The following CUX1 variants were observed in gnomAD, a reference collection of about 807,000 sequenced individuals.
CUX1 encodes protein CASP.
A neutral mutation model predicts 158.8 loss-of-function variants in CUX1; 31 were observed. That is an observed-to-expected ratio of 0.20 (90% CI 0.15 to 0.26). The LOEUF is 0.26. Ranked by LOEUF, CUX1 falls within the 10% of genes least tolerant of loss-of-function variation. The pLI is 1.00. For missense variants in CUX1, 1,589 were observed against 2,014.6 expected (o/e 0.79, Z 4.04); for synonymous variants, 879 against 862.1 (o/e 1.02, Z -0.34).
chr7:102,040,316 G>A (rs1048697834), intron 3 of CUX1, among the ~76,000 whole-genome samples: 6 of 152,298 alleles, frequency 3.9e-5, no homozygotes, highest in Non-Finnish European at 7.4e-5. Flanking sequence ...AGGAGAACCA[G>A]CCACACTCAG....
At chr7:102,080,908 C>T (rs187581294) in intron 4 of CUX1, among the ~76,000 whole-genome samples, 1 of 152,218 alleles carries the variant, frequency 6.6e-6, no homozygotes. Context: ...AGACTGGCCC[C>T]GACCTTAGAT....
chr7:101,987,043 T>A (rs936600042), intron 2 of CUX1, among the ~76,000 whole-genome samples: 10 of 152,122 alleles, frequency 6.6e-5, no homozygotes, highest in African/African-American at 2.4e-4. Flanking sequence ...GCCACCCCTG[T>A]CCCACCGTGC....
intron 1 of CUX1, among the ~76,000 whole-genome samples, chr7:101,868,004 C>T (rs1245260557): frequency 1.3e-5 from 2 of 152,014 alleles, no homozygotes; most frequent in African/African-American, 4.8e-5. Context: ...AGCCACTGTG[C>T]CTGGCCTCTC....
intron 4 of CUX1, among the ~76,000 whole-genome samples, chr7:102,087,675 T>G (rs1204780528): frequency 6.6e-6 from 1 of 152,168 alleles, no homozygotes; most frequent in Non-Finnish European, 1.5e-5. Context: ...TTATAATACA[T>G]TGTCACTTTC....
At chr7:101,946,476 G>A (rs1808383605) in intron 2 of CUX1, among the ~76,000 whole-genome samples, 1 of 151,278 alleles carries the variant, frequency 6.6e-6, no homozygotes, top group Non-Finnish European at 1.5e-5. Context: ...CCTGGGAGGT[G>A]GAGGTTGCAG....
At chr7:102,088,677 T>A (rs1226772381) in intron 4 of CUX1, among the ~76,000 whole-genome samples, 1 of 152,090 alleles carries the variant, frequency 6.6e-6, no homozygotes, top group Non-Finnish European at 1.5e-5. Context: ...TTGTTGGTGG[T>A]TTGGGTTCTG....
intron 1 of CUX1, among the ~76,000 whole-genome samples, chr7:101,886,651 G>A (rs796578340): frequency 2.0e-5 from 3 of 152,244 alleles, no homozygotes; most frequent in African/African-American, 7.2e-5. Context: ...GGACCCACAC[G>A]TGCACTGCAT....
chr7:101,940,181 A>T (rs561204307), intron 2 of CUX1, among the ~76,000 whole-genome samples: 51 of 151,100 alleles, frequency 3.4e-4, no homozygotes, highest in African/African-American at 1.2e-3. Context: ...TTGAGAATGA[A>T]GTGAGCTCTG....
chr7:101,819,765 C>CT (rs1377049145), intron 1 of CUX1, among the ~76,000 whole-genome samples: 1 of 152,042 alleles, frequency 6.6e-6, no homozygotes, highest in Admixed American at 6.6e-5. Context: ...ATGTGAAACT[C>CT]TTTTTTTCCT....
intron 20 of CUX1, among the ~76,000 whole-genome samples, chr7:102,217,124 G>A (rs2132233240): frequency 6.6e-6 from 1 of 152,350 alleles, no homozygotes; most frequent in African/African-American, 2.4e-5. Context: ...TGGATCTGCA[G>A]AAAAGCCGGA....
At chr7:101,913,189 T>G (rs1044684882) in intron 1 of CUX1, 1 of 270,934 alleles carries the variant, frequency 3.7e-6, no homozygotes, top group African/African-American at 2.3e-5. Context: ...GTCAAAGATT[T>G]CAAGCCTTAA....
chr7:102,262,813 C>T (rs577964054), downstream of CUX1, among the ~76,000 whole-genome samples: 75 of 152,260 alleles, frequency 4.9e-4, no homozygotes, highest in Non-Finnish European at 7.3e-4. Flanking sequence ...AGTATCCACT[C>T]GCCCGTGAGC....
intron 2 of CUX1, among the ~76,000 whole-genome samples, chr7:102,018,376 C>A (rs1249509820): frequency 7.2e-5 from 11 of 152,264 alleles, no homozygotes; most frequent in Non-Finnish European, 2.9e-5. Context: ...CTGAATTTGG[C>A]TTCTCCCATT....
chr7:102,104,277 A>G (rs368331358), intron 5 of CUX1, 59 bp from the exon 6 acceptor site: 2 of 1,523,516 alleles, frequency 1.3e-6, no homozygotes, highest in African/African-American at 2.8e-5. Context: ...CCTTGTACCT[A>G]CAGCCATATG....
chr7:102,109,783 C>CAA (rs574010132), intron 6 of CUX1, among the ~76,000 whole-genome samples: 4 of 121,426 alleles, frequency 3.3e-5, no homozygotes, highest in Admixed American at 1.7e-4. Context: ...ACCCTGTCTC[C>CAA]AAAAAAAAAA....
Position 102,255,646 on chromosome 7 carries a change from G to C in CUX1, c.*6604G>C. ...AAGCTTTCTGTAATCAGAAAGAAAA[G>C]GTGCCTTATATCCCAATGTCACGGC... is the stretch of plus-strand genomic sequence containing the variant. On this transcript the variant is annotated 3_prime_UTR_variant, in exon 24 of 24. Transcript: ENST00000292535. The C allele has an allele frequency of 1.0e-6, 1 of 985,352 alleles. No homozygotes were observed. The highest frequency in any genetic ancestry group is 1.2e-6 in the Non-Finnish European group (1 of 829,914). 61.0% of individuals were successfully genotyped at this position (985,352 alleles called of 1,614,324 possible).
chr7:102,261,493 CA>C (rs1395863558), downstream of CUX1, among the ~76,000 whole-genome samples: 2 of 148,726 alleles, frequency 1.3e-5, no homozygotes, highest in Non-Finnish European at 3.0e-5. Flanking sequence ...GACTCTGGCT[CA>C]AAAAAATAAA....
intron 20 of CUX1, among the ~76,000 whole-genome samples, chr7:102,211,262 A>G (rs1554523054): frequency 6.6e-6 from 1 of 151,852 alleles, no homozygotes; most frequent in Non-Finnish European, 1.5e-5. Flanking sequence ...CCTGGCCAAC[A>G]TGGTGAAACT....
At chr7:102,086,261 C>G (rs1272238459) in intron 4 of CUX1, among the ~76,000 whole-genome samples, 3 of 131,846 alleles carry the variant, frequency 2.3e-5, no homozygotes, top group Non-Finnish European at 4.8e-5. Context: ...TTTTTTTTTT[C>G]CTTGTTTTCA....
Sources: gnomAD v4.1 joint callset for allele counts (sites outside exome capture counted in the v4.1 genomes callset) on GRCh38, gnomAD v4.1.1 for gene constraint, MANE v1.5 for transcripts, NCBI Gene and HGNC (gene_info 2026-07-23, HGNC 2026-07-21) for gene names.